The following MSX2 variants were observed in gnomAD, a reference collection of about 807,000 sequenced individuals.
MSX2 encodes the protein msh homeobox 2.
A neutral mutation model predicts 18.4 loss-of-function variants in MSX2; 10 were observed. The ratio of observed to expected loss-of-function variants is 0.54; its 90% CI spans 0.34 to 0.92. MSX2 has a LOEUF of 0.92. Among genes scored for constraint, MSX2 ranks in the 40% least tolerant of loss-of-function variants. MSX2 has a pLI of 0.02. For missense variants in MSX2, 339 were observed against 364.0 expected (o/e 0.93, Z 0.56); for synonymous variants, 170 against 165.6 (o/e 1.03, Z -0.20).
rs1403508972 is a variant in MSX2, at chr5:174,724,971, C to G, written c.312C>G (p.Val104=). ...TGAAGCCCTTCGAGACCGCCTCGGTCAAGTCGGAAAATTCAGAAGATGGAG... is the reference window on the plus strand; with the variant it reads ...TGAAGCCCTTCGAGACCGCCTCGGTGAAGTCGGAAAATTCAGAAGATGGAG... ...PLVKPFETAS[V]KSENSEDGAA... is the part of the protein sequence containing the mutation. The change falls in exon 1 of 2, where the codon GTC becomes GTG. Residue 104 remains valine, a synonymous_variant. Transcript: ENST00000239243. 1.9e-6 allele frequency: 3 copies of G among 1,607,246 alleles called. No homozygotes were observed. Among genetic ancestry groups the G allele is most frequent in the East Asian group, 2.2e-5 (1 of 44,632 alleles).
intron 1 of MSX2, among the ~76,000 whole-genome samples, chr5:174,725,453 G>T (rs550158503): frequency 6.6e-6 from 1 of 152,310 alleles, no homozygotes; most frequent in Admixed American, 6.5e-5. Context: ...TGAGCACTTG[G>T]ATGTACCAGG....
intron 1 of MSX2, among the ~76,000 whole-genome samples, chr5:174,725,326 G>T (rs1170179491): frequency 3.3e-5 from 5 of 152,112 alleles, no homozygotes; most frequent in Non-Finnish European, 5.9e-5. Flanking sequence ...TTACGGGGTC[G>T]CTCGGTGGTC....
At chr5:174,726,634 C>CAGG (rs1003440126) in intron 1 of MSX2, among the ~76,000 whole-genome samples, 2 of 151,184 alleles carry the variant, frequency 1.3e-5, no homozygotes, top group African/African-American at 4.9e-5. Context: ...GATCACCTAC[C>CAGG]AGGTGGCAGA....
At chr5:174,725,665 C>T (rs1256798733) in intron 1 of MSX2, among the ~76,000 whole-genome samples, 2 of 152,140 alleles carry the variant, frequency 1.3e-5, no homozygotes, top group African/African-American at 4.8e-5. Flanking sequence ...TCTCTGTGGT[C>T]TCCGCAGCCA....
Position 174,724,743 on chromosome 5 carries a change from TG to T in MSX2, c.89del (p.Gly30AlafsTer67). ...TGGTGGCCGGACCAGGCCCGGGGCC[TG>T]GGGGCGCCGAGGGGGCCGCGGAGGA... The part of the protein sequence containing the change: ...AVVAGPGPGP[G>X]GAEGAAEERR... On this transcript the variant is annotated frameshift_variant, in exon 1 of 2. Coordinates refer to ENST00000239243, the MANE Select transcript of MSX2 (RefSeq NM_002449.5). LOFTEE classifies it high-confidence loss of function. The T allele has an allele frequency of 1.9e-6, 3 of 1,578,512 alleles. No individual in the cohort carries two copies. The highest frequency in any genetic ancestry group is 1.8e-5 in the Admixed American group (1 of 54,716).
intron 1 of MSX2, among the ~76,000 whole-genome samples, chr5:174,726,713 C>G (rs1025971557): frequency 6.6e-6 from 1 of 151,944 alleles, no homozygotes; most frequent in Non-Finnish European, 1.5e-5. Flanking sequence ...GTGTTACTTA[C>G]CCACTTTATC....
rs2113499833 is a variant in MSX2 at position 174,729,897 on chromosome 5, T to G, written c.*314T>G. 6.5e-6 allele frequency: 1 copy of G among 154,440 alleles called. No homozygotes were observed. Among genetic ancestry groups the G allele is most frequent in the African/African-American group, 2.4e-5 (1 of 41,574 alleles). The allele number at this position is 154,440 out of a possible 1,614,324, so 9.6% of individuals were successfully genotyped here. A position where few individuals can be genotyped will look rare whatever the true frequency, so the allele number is the denominator to read the frequency against. On this transcript the variant is annotated 3_prime_UTR_variant, in exon 2 of 2. Transcript: ENST00000239243. ...ATTTTTATACAGCAGACGTAAAAAT[T>G]CAAATTATTTTAAAAGGCAAAATTT...
Position 174,730,463 on chromosome 5 carries a change from TCA to T in MSX2, c.*883_*884del, listed in dbSNP as rs973885796. On this transcript the variant is annotated 3_prime_UTR_variant, in exon 2 of 2. Coordinates refer to ENST00000239243, the MANE Select transcript of MSX2 (RefSeq NM_002449.5). ...TGAGAAATACTAGGTACATTCATCC[TCA>T]CAGATTGCAAAGGTGATTTGGGTGG... 3.3e-5 allele frequency: 5 copies of T among 152,516 alleles called. No homozygotes were observed. Among genetic ancestry groups the T allele is most frequent in the African/African-American group, 1.2e-4 (5 of 41,440 alleles). 9.4% of individuals were successfully genotyped at this position (152,516 alleles called of 1,614,324 possible).
In MSX2 at chr5:174,724,977, G is replaced by A. The variant is rs750681902; in HGVS notation, c.318G>A (p.Ser106=). The A allele has an allele frequency of 1.2e-6, 2 of 1,608,692 alleles. No homozygotes were observed. The highest frequency in any genetic ancestry group is 1.3e-5 in the African/African-American group (1 of 75,050). Residue 106 remains serine, a synonymous_variant, in exon 1 of 2, where the codon TCG becomes TCA. Transcript: ENST00000239243. ...VKPFETASVK[S]ENSEDGAAWM... Reference sequence around the variant, plus strand: ...CCTTCGAGACCGCCTCGGTCAAGTCGGAAAATTCAGAAGATGGAGCGGCGT... The same window carrying A: ...CCTTCGAGACCGCCTCGGTCAAGTCAGAAAATTCAGAAGATGGAGCGGCGT...
chr5:174,726,423 G>A (rs942495801), intron 1 of MSX2, among the ~76,000 whole-genome samples: 2 of 152,162 alleles, frequency 1.3e-5, no homozygotes, highest in African/African-American at 2.4e-5. Context: ...TTCAAAGGGC[G>A]AGGAGATTAA....
Position 174,725,020 on chromosome 5 carries a change from C to A in MSX2, c.361C>A (p.Arg121=), listed in dbSNP as rs745449870. 1.9e-6 allele frequency: 3 copies of A among 1,610,604 alleles called. No homozygotes were observed. Among genetic ancestry groups the A allele is most frequent in the Non-Finnish European group, 2.5e-6 (3 of 1,179,468 alleles). Reference sequence around the variant, plus strand: ...AGCGGCGTGGATGCAGGAACCCGGCCGATATTCGCCGCCGCCAAGTGAGTG... The same window carrying A: ...AGCGGCGTGGATGCAGGAACCCGGCAGATATTCGCCGCCGCCAAGTGAGTG... ...DGAAWMQEPG[R]YSPPPRHMSP... The change falls in exon 1 of 2, where the codon CGA becomes AGA. Residue 121 remains arginine, a synonymous_variant. Coordinates refer to ENST00000239243, the MANE Select transcript of MSX2 (RefSeq NM_002449.5).
At position 174,729,702 on chromosome 5, in the gene MSX2, A is replaced by C; in HGVS notation, c.*119A>C. 1.8e-6 allele frequency: 2 copies of C among 1,095,446 alleles called. No individual in the cohort carries two copies. The highest frequency in any genetic ancestry group is 2.7e-6 in the Non-Finnish European group (2 of 729,884). The allele number at this position is 1,095,446 out of a possible 1,614,324, so 67.9% of individuals were successfully genotyped here. The stretch of plus-strand genomic sequence containing the variant: ...CTGCTAACCCTGCGTGCACCACCCT[A>C]AGCGGCTAGGCTGACAGGGCCACAC... On this transcript the variant is annotated 3_prime_UTR_variant, in exon 2 of 2. Coordinates refer to ENST00000239243, the MANE Select transcript of MSX2 (RefSeq NM_002449.5).
chr5:174,728,592 T>C (rs955581182), intron 1 of MSX2, among the ~76,000 whole-genome samples: 2 of 152,226 alleles, frequency 1.3e-5, no homozygotes, highest in Admixed American at 1.3e-4. Flanking sequence ...CTAAAACCTT[T>C]TTCATTTTCC....
At chr5:174,728,351 A>G (rs140959269) in intron 1 of MSX2, among the ~76,000 whole-genome samples, 267 of 152,330 alleles carry the variant, frequency 1.8e-3, no homozygotes, top group African/African-American at 6.0e-3. Flanking sequence ...GCGCCCAGCC[A>G]AGAACCTTAT....
chr5:174,728,419 A>G (rs551102248), intron 1 of MSX2, among the ~76,000 whole-genome samples: 62 of 2,306 alleles, frequency 0.027, no homozygotes, highest in Non-Finnish European at 0.18. Context: ...ACTGGATGCA[A>G]TGACAGCTTG....
intron 1 of MSX2, among the ~76,000 whole-genome samples, chr5:174,727,106 G>A (rs888676655): frequency 6.6e-6 from 1 of 152,052 alleles, no homozygotes; most frequent in African/African-American, 2.4e-5. Context: ...TTGGTGCTTT[G>A]GGCCTGGAGG....
intron 1 of MSX2, among the ~76,000 whole-genome samples, chr5:174,726,716 A>ACTTTAT (rs1310062098): frequency 6.6e-6 from 1 of 152,046 alleles, no homozygotes; most frequent in Non-Finnish European, 1.5e-5. Context: ...TTACTTACCC[A>ACTTTAT]CTTTATCGAC....
At chr5:174,728,704 C>T (rs756694593) in intron 1 of MSX2, among the ~76,000 whole-genome samples, 3 of 152,122 alleles carry the variant, frequency 2.0e-5, no homozygotes, top group African/African-American at 4.8e-5. Context: ...GAAGAGATAG[C>T]GGTTCATTTC....
At chr5:174,726,317 C>T (rs551565687) in intron 1 of MSX2, among the ~76,000 whole-genome samples, 7 of 152,202 alleles carry the variant, frequency 4.6e-5, no homozygotes, top group Admixed American at 4.6e-4. Flanking sequence ...AGACTAGACG[C>T]ACTGTATTTT....
Sources: allele counts gnomAD v4.1 joint callset (sites outside exome capture counted in the v4.1 genomes callset), GRCh38; gene constraint gnomAD v4.1.1; transcripts MANE v1.5; gene names NCBI Gene and HGNC (gene_info 2026-07-23, HGNC 2026-07-21).